Variants in DPP6 observed in about 807,000 individuals in gnomAD.
The protein encoded by DPP6 is A-type potassium channel modulatory protein DPP6.
In DPP6, 69 loss-of-function variants were observed where a neutral mutation model predicts 122.6. That is an observed-to-expected ratio of 0.56 (90% confidence interval 0.46 to 0.69). The LOEUF (loss-of-function observed/expected upper bound fraction) is 0.69, where lower values mean the gene tolerates loss of function less well. DPP6 is among the 30% of genes least tolerant of loss of function. The pLI is 0.00. For synonymous variants in DPP6, 418 were observed against 433.1 expected (o/e 0.97, Z 0.43); for missense variants, 928 against 1,116.9 (o/e 0.83, Z 2.41).
At chr7:154,575,441 G>GGTGTGTGTATGTGTGTGTGGT (rs1563879598) in intron 5 of DPP6, among the ~76,000 whole-genome samples, 24 of 37,926 alleles carry the variant, frequency 6.3e-4, no homozygotes, top group African/African-American at 2.1e-3. Flanking sequence ...GTATGTGTGT[G>GGTGTGTGTATGTGTGTGTGGT]GTGTGTGTAT....
At chr7:154,341,571 G>C (rs947009216) in intron 1 of DPP6, among the ~76,000 whole-genome samples, 1 of 151,734 alleles carries the variant, frequency 6.6e-6, no homozygotes, top group Non-Finnish European at 1.5e-5. Flanking sequence ...TTTCTTGGAA[G>C]CTGCATCATT....
At chr7:154,639,178 T>A (rs1429251523) in intron 6 of DPP6, among the ~76,000 whole-genome samples, 3 of 152,196 alleles carry the variant, frequency 2.0e-5, no homozygotes, top group African/African-American at 7.2e-5. Flanking sequence ...ACTAATTTAA[T>A]GTGGGCTTTA....
the DPP6 span, among the ~76,000 whole-genome samples, chr7:153,871,397 A>G: frequency 1.3e-5 from 2 of 152,162 alleles, no homozygotes; most frequent in Admixed American, 1.3e-4. Flanking sequence ...GTTTGATCTC[A>G]GACTGCTGTG....
intron 1 of DPP6, among the ~76,000 whole-genome samples, chr7:154,021,875 C>T (rs71534054): frequency 6.6e-6 from 1 of 152,158 alleles, no homozygotes; most frequent in Non-Finnish European, 1.5e-5. Context: ...TTCATCTACC[C>T]ATTCAAATGC....
At chr7:154,164,200 G>T (rs958130869) in intron 1 of DPP6, among the ~76,000 whole-genome samples, 2 of 150,784 alleles carry the variant, frequency 1.3e-5, no homozygotes, top group Admixed American at 6.6e-5. Context: ...GCCCTGCCCT[G>T]CCCTGACCTG....
chr7:154,593,697 T>A (rs1310883942), intron 5 of DPP6, among the ~76,000 whole-genome samples: 1 of 152,210 alleles, frequency 6.6e-6, no homozygotes, highest in Non-Finnish European at 1.5e-5. Context: ...AGCTCCTGGC[T>A]GCACCTGAGG....
intron 1 of DPP6, among the ~76,000 whole-genome samples, chr7:154,113,449 C>T (rs1806752099): frequency 6.6e-6 from 1 of 151,384 alleles, no homozygotes; most frequent in Non-Finnish European, 1.5e-5. Flanking sequence ...AACACACACA[C>T]CTACATACAT....
At chr7:154,761,210 G>A (rs1795530806) in intron 8 of DPP6, among the ~76,000 whole-genome samples, 1 of 152,204 alleles carries the variant, frequency 6.6e-6, no homozygotes, top group Non-Finnish European at 1.5e-5. Context: ...CTATAAACTG[G>A]GCATAGCTCT....
At chr7:154,711,663 T>TC (rs1841188073) in intron 7 of DPP6, among the ~76,000 whole-genome samples, 1 of 151,670 alleles carries the variant, frequency 6.6e-6, no homozygotes, top group African/African-American at 2.4e-5. Flanking sequence ...GTTCTTTCTT[T>TC]TTTATCATCT....
intron 5 of DPP6, among the ~76,000 whole-genome samples, chr7:154,634,077 ATG>A (rs1347986225): frequency 6.7e-6 from 1 of 148,400 alleles, no homozygotes; most frequent in African/African-American, 2.5e-5. Context: ...TTTATATCAT[ATG>A]TATACATGTG....
At chr7:154,883,210 CACAT>C (rs1805567916) in intron 21 of DPP6, among the ~76,000 whole-genome samples, 1 of 150,714 alleles carries the variant, frequency 6.6e-6, no homozygotes. Flanking sequence ...CACATACACA[CACAT>C]GCTCACCCAC....
Position 154,579,411 on chromosome 7 carries a change from A to G in DPP6, c.627+12495A>G, listed in dbSNP as rs140976963. On this transcript the variant is annotated intron_variant, in intron 5 of 25. Coordinates refer to ENST00000377770, the MANE Select transcript of DPP6 (RefSeq NM_130797.4). ...TTTCTTACTCTTGGAATGAAGAAAT[A>G]TGCAAGTACGAAAATTCATGAGGAG... 9.1e-3 allele frequency among the ~76,000 whole-genome samples: 1,388 copies of G among 152,350 alleles called. 27 individuals are homozygous for G. The highest frequency in any genetic ancestry group is 6.6e-3 in the Non-Finnish European group (449 of 68,032).
intron 3 of DPP6, among the ~76,000 whole-genome samples, chr7:154,530,625 G>T (rs1046501621): frequency 3.3e-5 from 5 of 152,172 alleles, no homozygotes; most frequent in Non-Finnish European, 5.9e-5. Context: ...ATTTAACCTT[G>T]CAGTCCAATT....
chr7:154,562,838 C>G (rs1563859040), intron 4 of DPP6, among the ~76,000 whole-genome samples: 1 of 151,912 alleles, frequency 6.6e-6, no homozygotes, highest in Non-Finnish European at 1.5e-5. Flanking sequence ...TTTATATGTA[C>G]AAAGCATCAA....
chr7:154,769,663 A>C, intron 9 of DPP6, 92 bp downstream of exon 9: 2 of 1,392,516 alleles, frequency 1.4e-6, no homozygotes, highest in Non-Finnish European at 9.4e-7. Context: ...ATCATCAGAC[A>C]TGTGTATGAG....
chr7:154,426,152 G>A (rs140637441), intron 1 of DPP6, among the ~76,000 whole-genome samples: 6 of 152,290 alleles, frequency 3.9e-5, no homozygotes, highest in East Asian at 3.9e-4. Flanking sequence ...AGCCGCTGCA[G>A]TTGTCTTGTT....
chr7:153,920,561 C>CTTTTTTTTTTTTT (rs1489811189), intron 1 of DPP6, among the ~76,000 whole-genome samples: 721 of 62,146 alleles, frequency 0.012, 83 homozygotes, highest in South Asian at 0.015. Flanking sequence ...TTTTATCTCT[C>CTTTTTTTTTTTTT]TCTTTTTTTT....
chr7:153,802,003 T>A, the DPP6 span, among the ~76,000 whole-genome samples: 1 of 152,188 alleles, frequency 6.6e-6, no homozygotes, highest in Admixed American at 6.5e-5. Context: ...GAAGCAAACT[T>A]TGGAAAGTCA....
At chr7:154,514,579 C>T (rs1826343466) in intron 3 of DPP6, among the ~76,000 whole-genome samples, 1 of 152,158 alleles carries the variant, frequency 6.6e-6, no homozygotes, top group Admixed American at 6.5e-5. Flanking sequence ...CACCATTCTA[C>T]TTCCTGTCTC....
Sources: allele counts gnomAD v4.1 joint callset (sites outside exome capture counted in the v4.1 genomes callset), GRCh38; gene constraint gnomAD v4.1.1; transcripts MANE v1.5; gene names NCBI Gene and HGNC (gene_info 2026-07-23, HGNC 2026-07-21).